Variants in BOD1L1 observed in about 807,000 individuals in gnomAD.
BOD1L1 encodes biorientation of chromosomes in cell division 1 like 1, also known as biorientation of chromosomes in cell division protein 1-like 1.
BOD1L1 carries 86 observed loss-of-function variants against 240.7 expected under a neutral mutation model. The observed-to-expected ratio is 0.36, with a 90% confidence interval of 0.30 to 0.43. The LOEUF is 0.43. Ranked by LOEUF, BOD1L1 falls within the 20% of genes least tolerant of loss-of-function variation. The pLI, the probability that BOD1L1 is intolerant of heterozygous loss-of-function variation, is 1.00. For synonymous variants in BOD1L1, 1,268 were observed against 1,272.3 expected (o/e 1.00, Z 0.07); for missense variants, 3,554 against 3,643.5 (o/e 0.98, Z 0.63).
chr4:13,595,823 A>G, intron 12 of BOD1L1, 37 bp downstream of exon 12: 1 of 1,575,140 alleles, frequency 6.3e-7, no homozygotes, highest in Non-Finnish European at 8.7e-7. Flanking sequence ...CAAGGCAAAA[A>G]CAAAAACAAT....
At chr4:13,572,003 A>G (rs1408323934) in intron 25 of BOD1L1, among the ~76,000 whole-genome samples, 3 of 152,318 alleles carry the variant, frequency 2.0e-5, no homozygotes, top group South Asian at 4.1e-4. Flanking sequence ...TGTACAGTGA[A>G]GAGTCTTTTA....
intron 17 of BOD1L1, among the ~76,000 whole-genome samples, chr4:13,585,088 C>T (rs577584419): frequency 6.6e-6 from 1 of 152,206 alleles, no homozygotes; most frequent in African/African-American, 2.4e-5. Context: ...TGCTTTTCTT[C>T]AAATTTAGAA....
At chr4:13,574,591 G>A (rs528484227) in intron 25 of BOD1L1, among the ~76,000 whole-genome samples, 1 of 152,284 alleles carries the variant, frequency 6.6e-6, no homozygotes, top group African/African-American at 2.4e-5. Flanking sequence ...TCTCTGAGTT[G>A]AGCCCTACTT....
At chr4:13,606,942 C>T (rs955018759) in intron 9 of BOD1L1, among the ~76,000 whole-genome samples, 175 bp downstream of exon 9, 9 of 151,856 alleles carry the variant, frequency 5.9e-5, no homozygotes, top group Non-Finnish European at 1.2e-4. Flanking sequence ...TAAATCAACT[C>T]AACAAAATGG....
intron 10 of BOD1L1, among the ~76,000 whole-genome samples, chr4:13,598,548 G>A (rs1714803233): frequency 6.6e-6 from 1 of 152,116 alleles, no homozygotes; most frequent in Admixed American, 6.5e-5. Context: ...TGTAAAATGA[G>A]GGTGGTAAAA....
At position 13,603,498 on chromosome 4, in the gene BOD1L1, T is replaced by C. The variant is rs746681848; in HGVS notation, c.3402A>G (p.Val1134=). ...TATTGCGGTTGTCTTGGGTTTTAGA[T>C]ACTTCAAACACATTTTCAACACCTG... is the stretch of plus-strand genomic sequence containing the variant. ...SEPGVENVFE[V]SKTQDNRNNN... Residue 1134 remains valine, a synonymous_variant, in exon 10 of 26, where the codon GTA becomes GTG. Transcript: ENST00000040738. 39 of 1,613,910 alleles carry C rather than the reference T, an allele frequency of 2.4e-5. No individual in the cohort carries two copies. The highest frequency in any genetic ancestry group is 2.9e-5 in the Non-Finnish European group (34 of 1,179,910).
Position 13,619,966 on chromosome 4 carries a change from G to A in BOD1L1, c.345C>T (p.Asn115=). 6.2e-7 allele frequency: 1 copy of A among 1,612,742 alleles called. No homozygotes were observed. The highest frequency in any genetic ancestry group is 1.1e-5 in the South Asian group (1 of 90,856). ...SPHLNKNQLR[N]NIRQQVLKSG... is the part of the protein sequence containing the mutation. ...ACTTGAGGACTTGTTGTCTAATGTT[G>A]TTTCTTAGCTGGTTCTTATTGAGAT... Residue 115 remains asparagine (N), a synonymous_variant, in exon 2 of 26, where the codon AAC becomes AAT. Coordinates refer to ENST00000040738, the MANE Select transcript of BOD1L1 (RefSeq NM_148894.3).
At chr4:13,574,193 G>A (rs1712500350) in intron 25 of BOD1L1, among the ~76,000 whole-genome samples, 1 of 152,168 alleles carries the variant, frequency 6.6e-6, no homozygotes, top group Non-Finnish European at 1.5e-5. Flanking sequence ...TAAGGAGGAT[G>A]TGGCTTTCCC....
At chr4:13,583,528 G>T (rs1713403705) in intron 17 of BOD1L1, among the ~76,000 whole-genome samples, 1 of 152,138 alleles carries the variant, frequency 6.6e-6, no homozygotes, top group Admixed American at 6.5e-5. Context: ...GCCTTTCAGG[G>T]ACTGGAAGGG....
chr4:13,588,289 A>T lies in BOD1L1; in HGVS notation c.8280+433T>A, dbSNP rs1217977101. Among the ~76,000 whole-genome samples the T allele has an allele frequency of 2.6e-5, 4 of 152,150 alleles. 1 individual carries two copies. The highest frequency in any genetic ancestry group is 2.6e-4 in the Admixed American group (4 of 15,278). On this transcript the variant is annotated intron_variant, in intron 15 of 25. Coordinates refer to ENST00000040738, the MANE Select transcript of BOD1L1 (RefSeq NM_148894.3). The stretch of plus-strand genomic sequence containing the variant: ...GTCTCTTTTCTGGGTTTGAATGCAA[A>T]TTCATACAACACATGCTGTTTCTAG...
intron 2 of BOD1L1, among the ~76,000 whole-genome samples, chr4:13,618,616 A>G (rs1716800116): frequency 6.6e-6 from 1 of 152,216 alleles, no homozygotes; most frequent in Non-Finnish European, 1.5e-5. Flanking sequence ...ATCCTTTAAA[A>G]TGTAGACAAC....
At chr4:13,597,217 A>T in intron 10 of BOD1L1, 49 bp from the exon 11 acceptor site, 1 of 1,432,720 alleles carries the variant, frequency 7.0e-7, no homozygotes, top group Non-Finnish European at 9.7e-7. Flanking sequence ...TGCTTGCAAA[A>T]TACATCTGGG....
Position 13,577,401 on chromosome 4 carries a change from A to G in BOD1L1, c.8884+2T>C. ...CTTATTAAGAATTTGCTAGAAACATACCAGCATCATCTGATACAGTGAGAG... is the reference window on the plus strand; with the variant it reads ...CTTATTAAGAATTTGCTAGAAACATGCCAGCATCATCTGATACAGTGAGAG... On this transcript the variant is annotated splice_donor_variant, in intron 24 of 25. Coordinates refer to ENST00000040738, the MANE Select transcript of BOD1L1 (RefSeq NM_148894.3). LOFTEE classifies it high-confidence loss of function. 6.2e-7 allele frequency: 1 copy of G among 1,612,190 alleles called. No homozygotes were observed. The highest frequency in any genetic ancestry group is 1.1e-5 in the South Asian group (1 of 90,510).
At chr4:13,589,508 A>G (rs2044189150) in intron 14 of BOD1L1, among the ~76,000 whole-genome samples, 1 of 152,252 alleles carries the variant, frequency 6.6e-6, no homozygotes, top group African/African-American at 2.4e-5. Flanking sequence ...ACGCTGCTGA[A>G]TGAGCAAATA....
At chr4:13,585,202 C>T (rs1442539016) in intron 17 of BOD1L1, among the ~76,000 whole-genome samples, 3 of 152,120 alleles carry the variant, frequency 2.0e-5, no homozygotes, top group African/African-American at 7.2e-5. Flanking sequence ...TGACAATATG[C>T]CACTTTCCCT....
chr4:13,572,929 G>T, intron 25 of BOD1L1: 1 of 1,134,756 alleles, frequency 8.8e-7, no homozygotes, highest in Non-Finnish European at 1.1e-6. Flanking sequence ...GGCTCCTTGT[G>T]GGCAAGTCAG....
chr4:13,615,685 T>C (rs904255807), intron 2 of BOD1L1, among the ~76,000 whole-genome samples, 183 bp from the exon 3 acceptor site: 1 of 152,248 alleles, frequency 6.6e-6, no homozygotes. Flanking sequence ...AGCATTTAGA[T>C]ATACCATACT....
chr4:13,598,007 C>T (rs1714759874), intron 10 of BOD1L1, among the ~76,000 whole-genome samples: 2 of 152,216 alleles, frequency 1.3e-5, no homozygotes, highest in South Asian at 4.1e-4. Flanking sequence ...AAGAATTCCT[C>T]TGTCCCTTCA....
intron 1 of BOD1L1, chr4:13,625,270 A>G (rs1212592783): frequency 6.6e-6 from 1 of 152,182 alleles, no homozygotes; most frequent in Non-Finnish European, 1.5e-5. Context: ...CTGAAACTGT[A>G]TATGTTATTA....
Sources: allele counts gnomAD v4.1 joint callset (sites outside exome capture counted in the v4.1 genomes callset), GRCh38; gene constraint gnomAD v4.1.1; transcripts MANE v1.5; gene names NCBI Gene and HGNC (gene_info 2026-07-23, HGNC 2026-07-21).